SEL1L3: variants seen among roughly 807,000 people sequenced by gnomAD.
The protein encoded by SEL1L3 is protein sel-1 homolog 3.
Under a neutral mutation model 142.8 loss-of-function variants are expected in SEL1L3, and 76 were observed. That is an observed-to-expected ratio of 0.53 (90% CI 0.44 to 0.64). SEL1L3 has a LOEUF of 0.64. SEL1L3 is among the 30% of genes least tolerant of loss of function. The probability of loss-of-function intolerance (pLI) is 0.00; values close to 1 mark genes in which losing one functional copy is unlikely to be tolerated. For missense variants in SEL1L3, 1,262 were observed against 1,381.7 expected, an observed-to-expected ratio of 0.91 and a Z score of 1.37; for synonymous variants, 504 against 519.6, an observed-to-expected ratio of 0.97 and a Z score of 0.41.
the SEL1L3 span, among the ~76,000 whole-genome samples, chr4:25,714,506 TTCTTTCTTTCTTTCTTTC>T: frequency 2.6e-5 from 1 of 39,114 alleles, no homozygotes; most frequent in Non-Finnish European, 6.7e-5. Context: ...TTCTTTTTCT[TTCTTTCTTTCTTTCTTTC>T]TTTCTTTCTT....
chr4:25,726,077 G>A, the SEL1L3 span, among the ~76,000 whole-genome samples: 4 of 151,978 alleles, frequency 2.6e-5, no homozygotes, highest in African/African-American at 9.7e-5. Context: ...TATTCAAGAT[G>A]GAGTCCCCCT....
At chr4:25,801,442 G>A (rs1713177397) in intron 11 of SEL1L3, among the ~76,000 whole-genome samples, 1 of 152,130 alleles carries the variant, frequency 6.6e-6, no homozygotes, top group Non-Finnish European at 1.5e-5. Context: ...CCACTTTATT[G>A]TCTACCACCA....
the SEL1L3 span, among the ~76,000 whole-genome samples, chr4:25,739,843 C>T: frequency 1.2e-4 from 18 of 151,306 alleles, 1 homozygote; most frequent in South Asian, 3.5e-3. Context: ...CACACATGTA[C>T]ATATGTAGTA....
At chr4:25,784,199 G>T (rs1315525237) in intron 14 of SEL1L3, 29 bp downstream of exon 14, 31 of 1,568,478 alleles carry the variant, frequency 2.0e-5, no homozygotes, top group Non-Finnish European at 2.7e-5. Context: ...TGGTGGAACT[G>T]TTTCCCTCTG....
intron 1 of SEL1L3, among the ~76,000 whole-genome samples, chr4:25,859,370 C>G (rs887835872): frequency 6.6e-6 from 1 of 152,222 alleles, no homozygotes; most frequent in African/African-American, 2.4e-5. Context: ...TGTTTGGCAT[C>G]GTTCCGTGAC....
chr4:25,830,292 C>A (rs1715352908), intron 5 of SEL1L3, 136 bp from the exon 6 acceptor site: 1 of 572,500 alleles, frequency 1.7e-6, no homozygotes, highest in South Asian at 2.4e-5. Context: ...ATAAAATTAA[C>A]AGTTTACTAG....
chr4:25,755,928 G>A, intron 23 of SEL1L3: 2 of 985,242 alleles, frequency 2.0e-6, no homozygotes, highest in Non-Finnish European at 2.4e-6. Context: ...CAAATTTAAG[G>A]ATGGGACAGA....
the SEL1L3 span, among the ~76,000 whole-genome samples, chr4:25,725,318 CT>C: frequency 1.2e-3 from 171 of 139,384 alleles, no homozygotes; most frequent in South Asian, 2.5e-3. Flanking sequence ...TGCTGGTTGG[CT>C]TTTTTTTTTT....
chr4:25,863,248 C>A (rs938645530), upstream of SEL1L3, among the ~76,000 whole-genome samples: 1 of 96,590 alleles, frequency 1.0e-5, no homozygotes, highest in Non-Finnish European at 2.1e-5. Flanking sequence ...TTTCTCTCTG[C>A]TCCTCCCCCG....
chr4:25,735,352 T>C, the SEL1L3 span, among the ~76,000 whole-genome samples: 2 of 152,126 alleles, frequency 1.3e-5, no homozygotes, highest in Non-Finnish European at 2.9e-5. Flanking sequence ...ATTCTCTTAT[T>C]ACTCTTTTAA....
At chr4:25,759,620 T>C (rs1487520267) in intron 20 of SEL1L3, 1 of 154,614 alleles carries the variant, frequency 6.5e-6, no homozygotes. Context: ...ATTCCCACTA[T>C]GGTATATTTT....
chr4:25,852,819 A>G (rs1716992722), intron 1 of SEL1L3, among the ~76,000 whole-genome samples: 1 of 152,116 alleles, frequency 6.6e-6, no homozygotes, highest in Non-Finnish European at 1.5e-5. Context: ...TCCCACTTTG[A>G]TAATTTTTTG....
intron 12 of SEL1L3, among the ~76,000 whole-genome samples, chr4:25,789,851 A>C (rs1441536476): frequency 6.8e-6 from 1 of 147,102 alleles, no homozygotes; most frequent in Admixed American, 6.8e-5. Flanking sequence ...GGAAGCAGAG[A>C]GGGTGCTTCC....
chr4:25,816,116 TTA>T (rs1242182631), intron 9 of SEL1L3, among the ~76,000 whole-genome samples: 4 of 146,866 alleles, frequency 2.7e-5, no homozygotes, highest in African/African-American at 7.5e-5. Flanking sequence ...ATATTATATA[TTA>T]TATGATATAT....
At chr4:25,829,462 T>C (rs771835221) in intron 6 of SEL1L3, among the ~76,000 whole-genome samples, 2 of 152,216 alleles carry the variant, frequency 1.3e-5, no homozygotes, top group African/African-American at 2.4e-5. Context: ...TATACATATA[T>C]TATCTAGCTA....
intron 11 of SEL1L3, among the ~76,000 whole-genome samples, chr4:25,795,395 C>A (rs896126425): frequency 6.6e-6 from 1 of 152,006 alleles, no homozygotes; most frequent in African/African-American, 2.4e-5. Context: ...CAACTCAAAG[C>A]CTTAGGTTGT....
the SEL1L3 span, among the ~76,000 whole-genome samples, chr4:25,725,318 C>CA: frequency 7.2e-6 from 1 of 139,500 alleles, no homozygotes; most frequent in Non-Finnish European, 1.5e-5. Flanking sequence ...TGCTGGTTGG[C>CA]TTTTTTTTTT....
At chr4:25,783,544 C>T (rs1326588885) in intron 14 of SEL1L3, among the ~76,000 whole-genome samples, 2 of 151,340 alleles carry the variant, frequency 1.3e-5, no homozygotes, top group Non-Finnish European at 3.0e-5. Context: ...TTCTGCAAAT[C>T]TATTTATTTG....
chr4:25,720,488 T>G, the SEL1L3 span: 1 of 152,176 alleles, frequency 6.6e-6, no homozygotes. Flanking sequence ...TGGAAGTCAA[T>G]GGTACTGTTT....
Sources: allele counts gnomAD v4.1 joint callset (sites outside exome capture counted in the v4.1 genomes callset), GRCh38; gene constraint gnomAD v4.1.1; transcripts MANE v1.5; gene names NCBI Gene and HGNC (gene_info 2026-07-23, HGNC 2026-07-21).